SSUH2: variants seen among roughly 807,000 people sequenced by gnomAD.
SSUH2 encodes protein SSUH2 homolog.
Under a neutral mutation model 55.3 loss-of-function variants are expected in SSUH2, and 47 were observed. The ratio of observed to expected loss-of-function variants is 0.85; its 90% confidence interval spans 0.67 to 1.08. The LOEUF (loss-of-function observed/expected upper bound fraction) is 1.08, where lower values mean the gene tolerates loss of function less well. Ranked by LOEUF, SSUH2 falls within the 50% of genes least tolerant of loss-of-function variation. The probability of loss-of-function intolerance (pLI) is 0.00; values close to 1 mark genes in which losing one functional copy is unlikely to be tolerated. For missense variants in SSUH2, 535 were observed against 490.7 expected, an observed-to-expected ratio of 1.09 and a Z score of -0.85; for synonymous variants, 212 against 191.5, an observed-to-expected ratio of 1.11 and a Z score of -0.89.
At chr3:8,644,865 A>G, upstream of SSUH2, 1 of 916,168 alleles carries the variant, frequency 1.1e-6, no homozygotes, top group East Asian at 2.6e-5. Context: ...GCCCATTGTT[A>G]CCCAGTTGGA....
Position 8,633,815 on chromosome 3 carries a change from G to A in SSUH2, c.210-20C>T, listed in dbSNP as rs760038745. ...GGGACTCTGCAGGGGACCGAACAGA[G>A]AGGCGGGGGCTTCTGGGAAGGGCCT... On this transcript the variant is annotated intron_variant, in intron 3 of 11. Coordinates refer to ENST00000544814, the MANE Select transcript of SSUH2 (RefSeq NM_001256748.3). The A allele has an allele frequency of 3.7e-6, 6 of 1,611,406 alleles. No homozygotes were observed. The highest frequency in any genetic ancestry group is 1.1e-5 in the South Asian group (1 of 91,004).
upstream of SSUH2, among the ~76,000 whole-genome samples, chr3:8,646,809 G>A (rs1701732308): frequency 1.3e-5 from 2 of 152,332 alleles, no homozygotes; most frequent in South Asian, 2.1e-4. Context: ...ATCAAAGGAG[G>A]TTGGGATCAG....
intron 3 of SSUH2, among the ~76,000 whole-genome samples, chr3:8,676,151 T>C (rs527419749): frequency 1.1e-3 from 166 of 152,140 alleles, no homozygotes; most frequent in Middle Eastern, 6.8e-3. Flanking sequence ...GTTTACCATA[T>C]TGTGAGTAAT....
rs1187460231 is a variant in SSUH2, at chr3:8,635,845, A to C, written c.41T>G (p.Leu14Arg). The change falls in exon 2 of 12, where the codon CTC becomes CGC. Residue 14 changes from leucine to arginine, a missense_variant. By Grantham distance (102) the Leu-to-Arg change is moderately radical. Coordinates refer to ENST00000544814, the MANE Select transcript of SSUH2 (RefSeq NM_001256748.3). ...DLNEDDSVVD[L>R]SFEAESPLAP... The stretch of plus-strand genomic sequence containing the variant: ...CAGAGGACTCTCGGCCTCAAAACTG[A>C]GGTCCACCACACCTGCAGAAAGACA... 4 of 1,535,852 alleles carry C rather than the reference A, an allele frequency of 2.6e-6. No individual in the cohort carries two copies. In the Admixed American group the frequency reaches 7.8e-5, roughly 30 times the overall value.
intron 6 of SSUH2, among the ~76,000 whole-genome samples, chr3:8,663,397 GGAACT>G (rs1452992835): frequency 2.0e-5 from 3 of 152,244 alleles, no homozygotes; most frequent in Non-Finnish European, 2.9e-5. Context: ...GGAAGTGCCT[GGAACT>G]GAAACTCTTT....
intron 7 of SSUH2, among the ~76,000 whole-genome samples, chr3:8,650,294 A>G (rs999032918): frequency 6.6e-6 from 1 of 152,190 alleles, no homozygotes; most frequent in Non-Finnish European, 1.5e-5. Flanking sequence ...GTTTTGTTCA[A>G]CACCTGTCAT....
intron 5 of SSUH2, among the ~76,000 whole-genome samples, chr3:8,664,199 C>T (rs1408900817): frequency 3.3e-5 from 5 of 152,180 alleles, no homozygotes; most frequent in Admixed American, 1.3e-4. Flanking sequence ...TCCTAGAAAA[C>T]GACCCTTGAT....
intron 7 of SSUH2, among the ~76,000 whole-genome samples, chr3:8,654,394 A>G (rs547409371): frequency 1.3e-5 from 2 of 152,342 alleles, no homozygotes; most frequent in East Asian, 1.9e-4. Flanking sequence ...CACCCACGTC[A>G]TCTCAGTTTC....
rs1475845947 is a variant in SSUH2 at position 8,635,320 on chromosome 3, C to T, written c.189G>A (p.Trp63Ter). 6.5e-7 allele frequency: 1 copy of T among 1,535,822 alleles called. No individual in the cohort carries two copies. The highest frequency in any genetic ancestry group is 1.4e-5 in the African/African-American group (1 of 73,036). ...CTCACCTGTGTTCCAGGAACGAGGG[C>T]CAGGACCTTTGCTCCTGGGGCCTCC... ...APGRPQEQRS[W>*]PSFLEHRVPA... Residue 63 changes from tryptophan (W) to a stop codon, truncating the protein, a stop_gained, in exon 3 of 12, where the codon TGG becomes TGA. Coordinates refer to ENST00000544814, the MANE Select transcript of SSUH2 (RefSeq NM_001256748.3). LOFTEE classifies it high-confidence loss of function.
In SSUH2 at chr3:8,634,020, A is replaced by G. The variant is rs115157535; in HGVS notation, c.210-225T>C. 1.2e-3 allele frequency: 1,691 copies of G among 1,459,674 alleles called. 30 individuals are homozygous for G. The African/African-American group carries it at 0.021, about 18-fold the overall frequency. 90.4% of individuals were successfully genotyped at this position (1,459,674 alleles called of 1,614,324 possible). ...CCTAGAGAACAGCCAAAAACACTTT[A>G]GTTGAAATGTGGAGCTTAGGAGAAA... On this transcript the variant is annotated intron_variant, in intron 3 of 11. Transcript: ENST00000544814.
chr3:8,667,907 C>A (rs1704135281), intron 5 of SSUH2, among the ~76,000 whole-genome samples: 1 of 152,144 alleles, frequency 6.6e-6, no homozygotes, highest in South Asian at 2.1e-4. Flanking sequence ...CGCATTACAC[C>A]TGAGAATCCC....
At chr3:8,658,740 G>A (rs760075979) in intron 7 of SSUH2, among the ~76,000 whole-genome samples, 1 of 152,072 alleles carries the variant, frequency 6.6e-6, no homozygotes, top group Non-Finnish European at 1.5e-5. Context: ...CAAAAAAACA[G>A]AGAAGAAAAA....
intron 4 of SSUH2, among the ~76,000 whole-genome samples, chr3:8,671,639 G>A (rs1011616667): frequency 3.3e-5 from 5 of 152,140 alleles, no homozygotes; most frequent in Non-Finnish European, 5.9e-5. Flanking sequence ...GTGACAACAT[G>A]AATAACATTC....
intron 2 of SSUH2, among the ~76,000 whole-genome samples, chr3:8,679,357 CAT>C (rs1238481095): frequency 1.0e-5 from 1 of 99,706 alleles, no homozygotes; most frequent in Non-Finnish European, 2.3e-5. Flanking sequence ...TTCCGACCCC[CAT>C]CGCATTGGCG....
At chr3:8,675,188 C>T (rs1705097279) in intron 3 of SSUH2, among the ~76,000 whole-genome samples, 1 of 152,190 alleles carries the variant, frequency 6.6e-6, no homozygotes, top group African/African-American at 2.4e-5. Flanking sequence ...AGCTGGTTCA[C>T]CTGCTTGGAC....
intron 8 of SSUH2, chr3:8,627,056 C>T (rs928570073): frequency 6.6e-6 from 1 of 152,214 alleles, no homozygotes; most frequent in African/African-American, 2.4e-5. Flanking sequence ...CAAAGCTTCT[C>T]CAACTGGCTT....
Position 8,678,802 on chromosome 3 carries a change from G to A in SSUH2, c.-901+903C>T, listed in dbSNP as rs549372959. On this transcript the variant is annotated intron_variant, in intron 2 of 18. Transcript: ENST00000317371. ...CCTCCCTGCCACTTAGGACCCCATC[G>A]CAGGGAGAGGAGGCGGCACTCCCCA... 1.9e-5 allele frequency among the ~76,000 whole-genome samples: 2 copies of A among 105,898 alleles called. 1 individual carries two copies. The highest frequency in any genetic ancestry group is 4.3e-5 in the Non-Finnish European group (2 of 47,012). The allele number at this position is 105,898 out of a possible 152,430, so 69.5% of individuals were successfully genotyped here.
chr3:8,680,428 C>A (rs1385735871), intron 1 of SSUH2, among the ~76,000 whole-genome samples: 1 of 152,062 alleles, frequency 6.6e-6, no homozygotes. Flanking sequence ...GATGGGTGTA[C>A]ACCCTCGGTG....
intron 3 of SSUH2, among the ~76,000 whole-genome samples, chr3:8,673,251 G>A (rs535739809): frequency 2.6e-4 from 39 of 151,538 alleles, no homozygotes; most frequent in Admixed American, 1.8e-3. Flanking sequence ...CATTATTATC[G>A]GTATTGATTT....
Sources: allele counts gnomAD v4.1 joint callset (sites outside exome capture counted in the v4.1 genomes callset), GRCh38; gene constraint gnomAD v4.1.1; transcripts MANE v1.5; gene names NCBI Gene and HGNC (gene_info 2026-07-23, HGNC 2026-07-21).